Variants in KDM2B observed in about 807,000 individuals in gnomAD.
KDM2B encodes the protein lysine-specific demethylase 2B.
In KDM2B, 26 loss-of-function variants were observed where a neutral mutation model predicts 150.0. That is an observed-to-expected ratio of 0.17 (90% CI 0.13 to 0.24). The LOEUF is 0.24. Ranked by LOEUF, KDM2B falls within the 10% of genes least tolerant of loss-of-function variation. The pLI is 1.00. For missense variants in KDM2B, 1,265 were observed against 1,816.9 expected, an observed-to-expected ratio of 0.70 and a Z score of 5.52; for synonymous variants, 734 against 729.5, an observed-to-expected ratio of 1.01 and a Z score of -0.10.
chr12:121,482,941 G>A (rs539592538), intron 12 of KDM2B, among the ~76,000 whole-genome samples: 6 of 152,076 alleles, frequency 3.9e-5, no homozygotes, highest in African/African-American at 1.2e-4. Context: ...CAAGCGGGGC[G>A]GATCACCTGA....
intron 12 of KDM2B, among the ~76,000 whole-genome samples, chr12:121,486,835 T>G (rs78634879): frequency 0.012 from 1,814 of 151,992 alleles, 37 homozygotes; most frequent in African/African-American, 0.041. Flanking sequence ...AAGCCAAGCA[T>G]GGGGGTGCAC....
downstream of KDM2B, among the ~76,000 whole-genome samples, chr12:121,427,055 C>T (rs562952183): frequency 1.1e-4 from 16 of 152,302 alleles, no homozygotes; most frequent in Middle Eastern, 3.4e-3. Context: ...TGGTGTCTTC[C>T]TTTGTAAACA....
downstream of KDM2B, among the ~76,000 whole-genome samples, chr12:121,426,902 G>A (rs1369434561): frequency 6.6e-6 from 1 of 152,060 alleles, no homozygotes; most frequent in African/African-American, 2.4e-5. Flanking sequence ...GGGGTTACAG[G>A]TATGAGCCAC....
chr12:121,479,976 T>G (rs1316201834), intron 12 of KDM2B, among the ~76,000 whole-genome samples: 1 of 151,998 alleles, frequency 6.6e-6, no homozygotes, highest in African/African-American at 2.4e-5. Context: ...TAGAGTGCAA[T>G]GGTGTGATCT....
chr12:121,443,390 T>C, intron 17 of KDM2B: 1 of 578,046 alleles, frequency 1.7e-6, no homozygotes, highest in Non-Finnish European at 3.1e-6. Context: ...TGGGAGAGAC[T>C]CCTGGCGCCA....
chr12:121,577,921 C>T (rs1438129446), intron 2 of KDM2B, among the ~76,000 whole-genome samples: 1 of 151,998 alleles, frequency 6.6e-6, no homozygotes, highest in East Asian at 1.9e-4. Flanking sequence ...GGAGGGTGAC[C>T]CCCACCACCC....
intron 8 of KDM2B, among the ~76,000 whole-genome samples, chr12:121,530,769 C>T (rs910342380): frequency 6.6e-6 from 1 of 152,082 alleles, no homozygotes. Context: ...AGACCTCCCC[C>T]AGCTTGCTTA....
intron 12 of KDM2B, among the ~76,000 whole-genome samples, chr12:121,476,127 TC>T (rs1881348115): frequency 6.6e-6 from 1 of 151,908 alleles, no homozygotes; most frequent in African/African-American, 2.4e-5. Context: ...AAACCCTGTC[TC>T]TACTAAAAAT....
At chr12:121,561,825 G>GA (rs1160303612) in intron 4 of KDM2B, among the ~76,000 whole-genome samples, 2 of 152,164 alleles carry the variant, frequency 1.3e-5, no homozygotes, top group African/African-American at 4.8e-5. Context: ...AGCAGGACTG[G>GA]AAGAACTCTA....
At chr12:121,538,254 C>G (rs1888326770) in intron 6 of KDM2B, among the ~76,000 whole-genome samples, 1 of 151,956 alleles carries the variant, frequency 6.6e-6, no homozygotes, top group Non-Finnish European at 1.5e-5. Flanking sequence ...GCAGGGCTGG[C>G]TCTCCCCACC....
At chr12:121,459,646 C>T (rs926963588) in intron 12 of KDM2B, among the ~76,000 whole-genome samples, 1 of 152,144 alleles carries the variant, frequency 6.6e-6, no homozygotes, top group African/African-American at 2.4e-5. Context: ...GCCTCACAAG[C>T]ATGGAGAAAC....
chr12:121,551,479 G>A (rs1889488899), intron 4 of KDM2B, among the ~76,000 whole-genome samples: 1 of 151,800 alleles, frequency 6.6e-6, no homozygotes, highest in Non-Finnish European at 1.5e-5. Context: ...CTGAATAGCT[G>A]GGACTACAGG....
At chr12:121,580,303 C>T in intron 1 of KDM2B, 1 of 1,238,424 alleles carries the variant, frequency 8.1e-7, no homozygotes, top group Non-Finnish European at 1.0e-6. Flanking sequence ...AACATTGTTG[C>T]CGATCGCGCT....
chr12:121,492,810 CAA>C (rs1413768952), intron 12 of KDM2B, among the ~76,000 whole-genome samples: 1 of 144,632 alleles, frequency 6.9e-6, no homozygotes, highest in Non-Finnish European at 1.5e-5. Flanking sequence ...GCCTGGGTGA[CAA>C]GAGCAAAACT....
intron 4 of KDM2B, among the ~76,000 whole-genome samples, chr12:121,561,733 C>T (rs534753772): frequency 6.6e-6 from 1 of 152,314 alleles, no homozygotes; most frequent in East Asian, 1.9e-4. Flanking sequence ...CTACATGTGA[C>T]TCTGATGTGC....
chr12:121,408,814 G>A, the KDM2B span, among the ~76,000 whole-genome samples: 1,890 of 152,246 alleles, frequency 0.012, 46 homozygotes, highest in African/African-American at 0.043. Context: ...ACAAGAAAAC[G>A]TGCAGAGGAG....
At chr12:121,498,576 T>A (rs1014099368) in intron 11 of KDM2B, among the ~76,000 whole-genome samples, 1 of 152,316 alleles carries the variant, frequency 6.6e-6, no homozygotes, top group Admixed American at 6.5e-5. Context: ...GTTTGGCCCA[T>A]GGGCCACCAA....
chr12:121,454,404 CAG>C (rs1877888945), intron 12 of KDM2B, among the ~76,000 whole-genome samples: 1 of 152,174 alleles, frequency 6.6e-6, no homozygotes, highest in Non-Finnish European at 1.5e-5. Context: ...AGTAGGTGGA[CAG>C]AGAGCTGGGC....
rs1366596062 is a variant in KDM2B, at chr12:121,521,874, T to G, written c.932-774A>C. On this transcript the variant is annotated intron_variant, in intron 8 of 22. Coordinates refer to ENST00000377071, the MANE Select transcript of KDM2B (RefSeq NM_032590.5). This position sits in a 1 kb window ranked among gnomAD's most constrained non-coding sequence, Gnocchi z 4.9. ...CTGTGATCCCAGCACTTTGGGAGGC[T>G]GAGGCGGGAAGATCGCTTGAGCTCA... Among the ~76,000 whole-genome samples, 2 of 151,770 alleles carry G rather than the reference T, an allele frequency of 1.3e-5. No individual in the cohort carries two copies. Among genetic ancestry groups the G allele is most frequent in the Non-Finnish European group, 2.9e-5 (2 of 67,924 alleles).
Sources: allele counts gnomAD v4.1 joint callset (sites outside exome capture counted in the v4.1 genomes callset), GRCh38; gene constraint gnomAD v4.1.1; non-coding constraint Gnocchi (gnomAD v3.1); transcripts MANE v1.5; gene names NCBI Gene and HGNC (gene_info 2026-07-23, HGNC 2026-07-21).